The following KCNQ5 variants were observed in gnomAD, a reference collection of about 807,000 sequenced individuals.
The protein encoded by KCNQ5 is potassium voltage-gated channel subfamily Q member 5.
A neutral mutation model predicts 98.2 loss-of-function variants in KCNQ5; 30 were observed. The ratio of observed to expected loss-of-function variants is 0.31; its 90% CI spans 0.23 to 0.41. The LOEUF (loss-of-function observed/expected upper bound fraction) is 0.41, where lower values mean the gene tolerates loss of function less well. Among genes scored for constraint, KCNQ5 ranks in the 10% least tolerant of loss-of-function variants. The pLI, the probability that KCNQ5 is intolerant of heterozygous loss-of-function variation, is 1.00. For missense variants in KCNQ5, 835 were observed against 1,182.5 expected (o/e 0.71, Z 4.31); for synonymous variants, 458 against 449.4 (o/e 1.02, Z -0.24).
chr6:72,629,809 C>T (rs771516812), intron 1 of KCNQ5, among the ~76,000 whole-genome samples: 1 of 152,050 alleles, frequency 6.6e-6, no homozygotes, highest in African/African-American at 2.4e-5. Flanking sequence ...TTTATGAGTG[C>T]GTTATTTGAA....
At chr6:72,694,247 T>C (rs1768366510) in intron 1 of KCNQ5, among the ~76,000 whole-genome samples, 1 of 152,212 alleles carries the variant, frequency 6.6e-6, no homozygotes. Context: ...ACAACATCTG[T>C]GACCCTTAGA....
At chr6:72,746,135 A>G (rs2154476379) in intron 1 of KCNQ5, among the ~76,000 whole-genome samples, 2 of 149,574 alleles carry the variant, frequency 1.3e-5, no homozygotes, top group East Asian at 4.0e-4. Flanking sequence ...AGAGTTTAGG[A>G]CTTCAACATT....
chr6:73,047,906 G>C (rs1243471419), intron 3 of KCNQ5, among the ~76,000 whole-genome samples: 1 of 152,138 alleles, frequency 6.6e-6, no homozygotes, highest in Non-Finnish European at 1.5e-5. Flanking sequence ...GAAGGCTATG[G>C]AATATCATGA....
At chr6:73,173,589 G>A (rs1778094541) in intron 11 of KCNQ5, among the ~76,000 whole-genome samples, 1 of 152,108 alleles carries the variant, frequency 6.6e-6, no homozygotes, top group Non-Finnish European at 1.5e-5. Context: ...TGGCTTTGTA[G>A]TCATTACATA....
intron 5 of KCNQ5, among the ~76,000 whole-genome samples, chr6:73,104,584 A>G (rs1262798307): frequency 6.6e-6 from 1 of 152,042 alleles, no homozygotes; most frequent in Non-Finnish European, 1.5e-5. Flanking sequence ...CTTCTTTATC[A>G]TTTCTGCTTC....
At chr6:73,186,900 T>C (rs1398646629) in intron 11 of KCNQ5, among the ~76,000 whole-genome samples, 1 of 152,076 alleles carries the variant, frequency 6.6e-6, no homozygotes, top group Non-Finnish European at 1.5e-5. Context: ...CATTAACTCG[T>C]CATTTACATT....
At chr6:72,904,852 G>A (rs1008971661) in intron 1 of KCNQ5, among the ~76,000 whole-genome samples, 2 of 152,124 alleles carry the variant, frequency 1.3e-5, no homozygotes, top group Non-Finnish European at 2.9e-5. Flanking sequence ...AATGTGCCTA[G>A]GCAATGATCT....
chr6:73,103,217 A>G (rs768023232), intron 5 of KCNQ5, among the ~76,000 whole-genome samples: 7 of 152,190 alleles, frequency 4.6e-5, no homozygotes, highest in Non-Finnish European at 8.8e-5. Flanking sequence ...CAAACTTCAC[A>G]TGGTCTCATT....
chr6:73,051,967 C>A (rs1402759386), intron 3 of KCNQ5, among the ~76,000 whole-genome samples: 3 of 152,110 alleles, frequency 2.0e-5, no homozygotes, highest in African/African-American at 7.2e-5. Context: ...CAGTGAAAAC[C>A]TAATCCAGGG....
At chr6:73,111,458 G>A in intron 7 of KCNQ5, 55 bp downstream of exon 7, 1 of 1,136,692 alleles carries the variant, frequency 8.8e-7, no homozygotes. Flanking sequence ...GTGCTTGATG[G>A]GTCATTTTCC....
chr6:73,077,132 A>T (rs1773573859), intron 3 of KCNQ5, among the ~76,000 whole-genome samples, 190 bp from the exon 4 acceptor site: 1 of 152,224 alleles, frequency 6.6e-6, no homozygotes, highest in South Asian at 2.1e-4. Flanking sequence ...GGTAGGTCCC[A>T]TTCTCTGCCT....
At chr6:72,934,356 G>T (rs9784851) in intron 1 of KCNQ5, among the ~76,000 whole-genome samples, 2,016 of 151,982 alleles carry the variant, frequency 0.013, 39 homozygotes, top group African/African-American at 0.047. Flanking sequence ...TGATGACGGT[G>T]GTGGTGGTAA....
chr6:72,793,290 G>A (rs749777037), intron 1 of KCNQ5, among the ~76,000 whole-genome samples: 2 of 152,046 alleles, frequency 1.3e-5, no homozygotes, highest in Non-Finnish European at 2.9e-5. Flanking sequence ...AGTTTTGTTC[G>A]GAACTTTACC....
intron 2 of KCNQ5, among the ~76,000 whole-genome samples, chr6:73,013,718 C>T (rs936838612): frequency 5.3e-5 from 8 of 152,090 alleles, no homozygotes; most frequent in East Asian, 1.9e-4. Context: ...CAGAGCATCC[C>T]GCTGCCTCTC....
chr6:73,158,451 G>A (rs1042879539), intron 10 of KCNQ5, among the ~76,000 whole-genome samples: 12 of 151,932 alleles, frequency 7.9e-5, no homozygotes, highest in Non-Finnish European at 5.9e-5. Flanking sequence ...CTTTTTAGTA[G>A]AGACGGGGTT....
At chr6:73,191,581 A>T (rs982356628) in intron 12 of KCNQ5, among the ~76,000 whole-genome samples, 3 of 151,968 alleles carry the variant, frequency 2.0e-5, no homozygotes, top group African/African-American at 7.3e-5. Flanking sequence ...ACTTTTTTTT[A>T]TGCCCCCCAG....
chr6:72,963,870 A>G (rs1029295963), intron 1 of KCNQ5, among the ~76,000 whole-genome samples: 5 of 151,978 alleles, frequency 3.3e-5, no homozygotes, highest in Admixed American at 3.3e-4. Flanking sequence ...CACCATGTTG[A>G]CCAGCCTGGT....
intron 1 of KCNQ5, among the ~76,000 whole-genome samples, chr6:72,731,065 TG>T: frequency 6.6e-6 from 1 of 152,358 alleles, no homozygotes; most frequent in South Asian, 2.1e-4. Context: ...TTAGCATATG[TG>T]ATACTAAAAA....
intron 2 of KCNQ5, among the ~76,000 whole-genome samples, chr6:73,033,909 C>T (rs770379089): frequency 5.3e-5 from 8 of 152,226 alleles, no homozygotes; most frequent in Non-Finnish European, 1.2e-4. Flanking sequence ...AATATACCTT[C>T]CCAAAAAGTA....
Sources: allele counts gnomAD v4.1 joint callset (sites outside exome capture counted in the v4.1 genomes callset), GRCh38; gene constraint gnomAD v4.1.1; transcripts MANE v1.5; gene names NCBI Gene and HGNC (gene_info 2026-07-23, HGNC 2026-07-21).